THSD7A: variants seen among roughly 807,000 people sequenced by gnomAD.
The protein encoded by THSD7A is thrombospondin type 1 domain containing 7A.
In THSD7A, 96 loss-of-function variants were observed where a neutral mutation model predicts 231.3. The observed-to-expected ratio is 0.41, with a 90% CI of 0.35 to 0.49. THSD7A has a LOEUF of 0.49. Among genes scored for constraint, THSD7A ranks in the 20% least tolerant of loss-of-function variants. The pLI is 0.05. For missense variants in THSD7A, 2,290 were observed against 2,070.2 expected (o/e 1.11, Z -2.06); for synonymous variants, 940 against 743.3 (o/e 1.26, Z -4.30).
At chr7:11,720,974 T>C (rs922591952) in intron 1 of THSD7A, among the ~76,000 whole-genome samples, 2 of 151,810 alleles carry the variant, frequency 1.3e-5, no homozygotes, top group African/African-American at 4.8e-5. Flanking sequence ...CTGTATACTC[T>C]CCACTTGAGT....
At position 11,408,613 on chromosome 7, in the gene THSD7A, T is replaced by A. The variant is rs1169632876; in HGVS notation, c.3799-1190A>T. Among the ~76,000 whole-genome samples the A allele has an allele frequency of 2.0e-5, 3 of 152,206 alleles. No homozygotes were observed. In the East Asian group the frequency reaches 5.8e-4, roughly 29 times the overall value. ...TTCTTGGAATTTCCAAGACCTTTTT[T>A]ATTTCTGCATGAAAGAGAAGTTTAT... On this transcript the variant is annotated intron_variant, in intron 19 of 27. Transcript: ENST00000423059.
intron 1 of THSD7A, among the ~76,000 whole-genome samples, chr7:11,744,860 G>A (rs970752287): frequency 1.3e-4 from 20 of 152,018 alleles, no homozygotes; most frequent in Non-Finnish European, 2.5e-4. Flanking sequence ...CATTTGGCTT[G>A]GTTCCAAGTC....
chr7:11,572,365 T>A (rs934086995), intron 4 of THSD7A, among the ~76,000 whole-genome samples: 1 of 152,238 alleles, frequency 6.6e-6, no homozygotes, highest in Non-Finnish European at 1.5e-5. Context: ...CAATCCTCAA[T>A]TATTAAGCCC....
intron 6 of THSD7A, among the ~76,000 whole-genome samples, chr7:11,510,439 C>T (rs1226849582): frequency 6.6e-6 from 1 of 152,164 alleles, no homozygotes; most frequent in Non-Finnish European, 1.5e-5. Flanking sequence ...CCAGCATCAT[C>T]CTGATACCAA....
chr7:11,463,335 G>C (rs1026272012), intron 9 of THSD7A, among the ~76,000 whole-genome samples: 9 of 152,116 alleles, frequency 5.9e-5, no homozygotes, highest in African/African-American at 1.9e-4. Context: ...ATGGGAGAAT[G>C]GATCAGTAAA....
chr7:11,406,982 G>A lies in THSD7A; in HGVS notation c.3990C>T (p.Asp1330=), dbSNP rs1418797546. ...GCTTCACTGGGCAGGGTTTGGACTG[G>A]TCCATCAGGGAAGGGCATGGTCTTC... The part of the protein sequence containing the change: ...GDGRPCPSLM[D]QSKPCPVKPC... The change falls in exon 21 of 28, where the codon GAC becomes GAT. Residue 1330 remains aspartate (D), a synonymous_variant. Coordinates refer to ENST00000423059, the MANE Select transcript of THSD7A (RefSeq NM_015204.3). The surrounding 1 kb of genome is among the most constrained non-coding windows in gnomAD (Gnocchi z 4.7). 3.1e-6 allele frequency: 5 copies of A among 1,613,890 alleles called. No individual in the cohort carries two copies. The highest frequency in any genetic ancestry group is 4.2e-6 in the Non-Finnish European group (5 of 1,179,856).
intron 6 of THSD7A, among the ~76,000 whole-genome samples, chr7:11,483,713 CTT>C (rs947543759): frequency 1.4e-4 from 21 of 152,164 alleles, no homozygotes; most frequent in African/African-American, 5.1e-4. Flanking sequence ...TCACTGCTGT[CTT>C]TTATTGTACC....
intron 13 of THSD7A, among the ~76,000 whole-genome samples, chr7:11,430,078 G>A (rs537191165): frequency 6.6e-6 from 1 of 152,296 alleles, no homozygotes; most frequent in Admixed American, 6.5e-5. Context: ...TGAATGTGGA[G>A]AGAAGGTGTT....
chr7:11,441,912 C>T (rs1313251280), intron 13 of THSD7A, among the ~76,000 whole-genome samples: 1 of 151,898 alleles, frequency 6.6e-6, no homozygotes, highest in African/African-American at 2.4e-5. Context: ...AGCAAACCAC[C>T]ATGGCGTATG....
intron 15 of THSD7A, 81 bp downstream of exon 15, chr7:11,426,585 A>G: frequency 7.2e-7 from 1 of 1,380,976 alleles, no homozygotes; most frequent in Non-Finnish European, 9.7e-7. Flanking sequence ...ACAAAGCAAG[A>G]AGAGAAATGT....
At chr7:11,604,217 G>C (rs926323816) in intron 2 of THSD7A, among the ~76,000 whole-genome samples, 1 of 152,084 alleles carries the variant, frequency 6.6e-6, no homozygotes, top group Admixed American at 6.6e-5. Flanking sequence ...TTGCAACTTA[G>C]TACTGATGAA....
intron 6 of THSD7A, among the ~76,000 whole-genome samples, chr7:11,508,041 G>C (rs1044629639): frequency 8.5e-5 from 13 of 152,286 alleles, no homozygotes; most frequent in African/African-American, 3.1e-4. Flanking sequence ...GAGAGAGAGA[G>C]AGAGCAGGAA....
rs572809169 is a variant in THSD7A, at chr7:11,831,889, G to A, written c.58C>T (p.Arg20Trp). 116 of 1,246,770 alleles carry A rather than the reference G, an allele frequency of 9.3e-5. 1 individual carries two copies. The African/African-American group carries it at 1.5e-3, about 16-fold the overall frequency. The allele number at this position is 1,246,770 out of a possible 1,614,324, so 77.2% of individuals were successfully genotyped here. ...AGCGGCAGCAGCTGCAGGACGCCCC[G>A]GCGCGGCCCCGCAGCGCCCCGGCTC... Reference protein sequence around the residue: ...SGSRGAAGPRRGVLQLLPLPL... With the variant: ...SGSRGAAGPRWGVLQLLPLPL... The change falls in exon 1 of 28, where the codon CGG becomes TGG. Residue 20 changes from arginine (R) to tryptophan (W), a missense_variant. Coordinates refer to ENST00000423059, the MANE Select transcript of THSD7A (RefSeq NM_015204.3). The surrounding 1 kb of genome is among the most constrained non-coding windows in gnomAD (Gnocchi z 5.0).
At chr7:11,739,235 G>A (rs1220241099) in intron 1 of THSD7A, among the ~76,000 whole-genome samples, 1 of 151,970 alleles carries the variant, frequency 6.6e-6, no homozygotes, top group Non-Finnish European at 1.5e-5. Context: ...TAAGAAACAT[G>A]ACATAAATTT....
At chr7:11,813,543 C>A (rs1259849140) in intron 1 of THSD7A, among the ~76,000 whole-genome samples, 1 of 151,842 alleles carries the variant, frequency 6.6e-6, no homozygotes, top group Non-Finnish European at 1.5e-5. Flanking sequence ...GAAACGCTGT[C>A]TCTACTAAAA....
chr7:11,393,034 T>C (rs1783045667), intron 23 of THSD7A, among the ~76,000 whole-genome samples: 1 of 152,138 alleles, frequency 6.6e-6, no homozygotes, highest in Non-Finnish European at 1.5e-5. Context: ...GTGTTTGACC[T>C]CTGCTAAGGG....
chr7:11,426,483 A>T lies in THSD7A; in HGVS notation c.3249+183T>A, dbSNP rs138225257. Among the ~76,000 whole-genome samples, 468 of 152,330 alleles carry T rather than the reference A, an allele frequency of 3.1e-3. 3 individuals carry two copies. Among genetic ancestry groups the T allele is most frequent in the African/African-American group, 0.011 (457 of 41,576 alleles). On this transcript the variant is annotated intron_variant, in intron 15 of 27. Coordinates refer to ENST00000423059, the MANE Select transcript of THSD7A (RefSeq NM_015204.3). ...TGAGGGATATGAAATGTAGGAACACAGGTAACTATGATAGAAAAGAAAAAT... is the reference window on the plus strand; with the variant it reads ...TGAGGGATATGAAATGTAGGAACACTGGTAACTATGATAGAAAAGAAAAAT...
chr7:11,619,399 G>A (rs1781228204), intron 2 of THSD7A, among the ~76,000 whole-genome samples: 3 of 141,858 alleles, frequency 2.1e-5, no homozygotes, highest in Admixed American at 2.1e-4. Context: ...TTTTCTTACT[G>A]TACTTTTTTT....
chr7:11,499,926 C>T (rs763972837), intron 6 of THSD7A, among the ~76,000 whole-genome samples: 2 of 152,182 alleles, frequency 1.3e-5, no homozygotes, highest in Non-Finnish European at 2.9e-5. Flanking sequence ...ATTTCCCCAA[C>T]CTTGCTAGAG....
Sources: gnomAD v4.1 joint callset for allele counts (sites outside exome capture counted in the v4.1 genomes callset) on GRCh38, gnomAD v4.1.1 for gene constraint, Gnocchi (gnomAD v3.1) non-coding constraint, MANE v1.5 for transcripts, NCBI Gene and HGNC (gene_info 2026-07-23, HGNC 2026-07-21) for gene names.